Variants in ADPRS observed in about 807,000 individuals in gnomAD.
ADPRS encodes ADP-ribosylserine hydrolase.
A neutral mutation model predicts 32.1 loss-of-function variants in ADPRS; 25 were observed. That is an observed-to-expected ratio of 0.78 (90% confidence interval 0.57 to 1.09). The LOEUF is 1.09. Ranked by LOEUF, ADPRS falls within the 50% of genes least tolerant of loss-of-function variation. The pLI is 0.00. For synonymous variants in ADPRS, 225 were observed against 201.0 expected (o/e 1.12, Z -1.01); for missense variants, 482 against 480.6 (o/e 1.00, Z -0.03).
chr1:36,091,882 C>G (rs780056939), intron 3 of ADPRS, 28 bp from the exon 4 acceptor site: 2 of 1,590,410 alleles, frequency 1.3e-6, no homozygotes, highest in Non-Finnish European at 1.7e-6. Context: ...AGCAGGGCTT[C>G]TGTGACAGCA....
intron 4 of ADPRS, 26 bp downstream of exon 4, chr1:36,092,120 G>A (rs375407422): frequency 1.3e-6 from 2 of 1,574,618 alleles, no homozygotes; most frequent in Non-Finnish European, 1.7e-6. Context: ...GAGGTGTGTG[G>A]TGTGGGTATG....
In ADPRS at chr1:36,093,350, G is replaced by T. The variant is rs1274344590; in HGVS notation, c.1056G>T (p.Leu352=). Residue 352 remains leucine, a synonymous_variant, in exon 6 of 6, where the codon CTG becomes CTT. Coordinates refer to ENST00000373178, the MANE Select transcript of ADPRS (RefSeq NM_017825.3). ...AAGGCTACGAGGAGACAGACATCCT[G>T]GCCCAAAGCCTGCACCGTGTCTTCC... ...SCEGYEETDI[L]AQSLHRVFQK... 1 of 1,614,076 alleles carries T rather than the reference G, an allele frequency of 6.2e-7. No individual in the cohort carries two copies. Among genetic ancestry groups the T allele is most frequent in the African/African-American group, 1.3e-5 (1 of 74,948 alleles).
At chr1:36,090,141 G>A (rs1024116496) in intron 1 of ADPRS, among the ~76,000 whole-genome samples, 3 of 152,138 alleles carry the variant, frequency 2.0e-5, no homozygotes, top group African/African-American at 7.2e-5. Context: ...AAGTGAAGTA[G>A]GAGGAGATCT....
chr1:36,089,067 G>A lies in ADPRS; in HGVS notation c.163G>A (p.Val55Ile). The A allele has an allele frequency of 6.9e-7, 1 of 1,458,226 alleles. No individual in the cohort carries two copies. Among genetic ancestry groups the A allele is most frequent in the South Asian group, 1.4e-5 (1 of 69,260 alleles). 90.3% of individuals were successfully genotyped at this position (1,458,226 alleles called of 1,614,324 possible). Residue 55 changes from valine (V) to isoleucine (I), a missense_variant, in exon 1 of 6, where the codon GTC (valine) becomes ATC (isoleucine). By Grantham distance (29) the Val-to-Ile change is conservative. Coordinates refer to ENST00000373178, the MANE Select transcript of ADPRS (RefSeq NM_017825.3). ...CGACCTGACGTCAGTCCTGCGTCAT[G>A]TCCAGAGTCTGGAGCCGGACCCCGG... ...TVDLTSVLRH[V>I]QSLEPDPGTP...
In ADPRS at chr1:36,091,655, T is replaced by C; in HGVS notation, c.346T>C (p.Tyr116His). 1 of 1,612,106 alleles carries C rather than the reference T, an allele frequency of 6.2e-7. No homozygotes were observed. Among genetic ancestry groups the C allele is most frequent in the South Asian group, 1.1e-5 (1 of 90,876 alleles). Residue 116 changes from tyrosine to histidine, a missense_variant, in exon 3 of 6, where the codon TAT (tyrosine) becomes CAT (histidine). Physicochemically the swap from Tyr to His is moderately conservative, Grantham distance 83. Coordinates refer to ENST00000373178, the MANE Select transcript of ADPRS (RefSeq NM_017825.3). The part of the protein sequence containing the change: ...QEYKKDPDRG[Y>H]GAGVVTVFKK... ...GTACAAGAAAGACCCTGACAGGGGC[T>C]ATGGTGCTGGAGTAGTCACTGTCTT... is the stretch of plus-strand genomic sequence containing the variant.
At position 36,092,456 on chromosome 1, in the gene ADPRS, C is replaced by T; in HGVS notation, c.736C>T (p.Leu246=). The stretch of plus-strand genomic sequence containing the variant: ...GGAGGAGCGTCCATACTCCAGCCGC[C>T]TGAAGAAGATTGGAGAGCTTCTAGA... ...GMEERPYSSR[L]KKIGELLDQA... Residue 246 remains leucine (L), a synonymous_variant, in exon 5 of 6, where the codon CTG becomes TTG. Coordinates refer to ENST00000373178, the MANE Select transcript of ADPRS (RefSeq NM_017825.3). The T allele has an allele frequency of 6.2e-7, 1 of 1,614,186 alleles. No individual in the cohort carries two copies. The highest frequency in any genetic ancestry group is 8.5e-7 in the Non-Finnish European group (1 of 1,180,034).
chr1:36,089,662 A>G (rs1643451728), intron 1 of ADPRS, among the ~76,000 whole-genome samples: 1 of 152,068 alleles, frequency 6.6e-6, no homozygotes, highest in Admixed American at 6.5e-5. Flanking sequence ...TCCCCTGCCT[A>G]AAACCCTGCT....
Position 36,091,286 on chromosome 1 carries a change from T to C in ADPRS, c.254T>C (p.Leu85Pro). ...YTDDTAMARA[L>P]VQSLLAKEAF... Reference sequence around the variant, plus strand: ...GATGACACAGCCATGGCCAGGGCCCTGGTGCAGTCCCTGCTAGCCAAGGAG... The same window carrying C: ...GATGACACAGCCATGGCCAGGGCCCCGGTGCAGTCCCTGCTAGCCAAGGAG... Residue 85 changes from leucine (L) to proline (P), a missense_variant, in exon 2 of 6, where the codon CTG becomes CCG. Leu to Pro is a moderately conservative substitution (Grantham distance 98). Transcript: ENST00000373178. 6.2e-7 allele frequency: 1 copy of C among 1,614,220 alleles called. No homozygotes were observed. The highest frequency in any genetic ancestry group is 1.1e-5 in the South Asian group (1 of 91,078).
At position 36,089,076 on chromosome 1, in the gene ADPRS, C is replaced by A; in HGVS notation, c.172C>A (p.Leu58Met). The A allele has an allele frequency of 2.1e-6, 3 of 1,440,512 alleles. No homozygotes were observed. Among genetic ancestry groups the A allele is most frequent in the Non-Finnish European group, 1.8e-6 (2 of 1,099,594 alleles). 89.2% of individuals were successfully genotyped at this position (1,440,512 alleles called of 1,614,324 possible). A position where few individuals can be genotyped will look rare whatever the true frequency, so the allele number is the denominator to read the frequency against. The change falls in exon 1 of 6, where the codon CTG (leucine) becomes ATG (methionine). Residue 58 changes from leucine to methionine, a missense_variant. Physicochemically the swap from Leu to Met is conservative, Grantham distance 15 (BLOSUM62 2). Transcript: ENST00000373178. ...LTSVLRHVQS[L>M]EPDPGTPGSE... is the part of the protein sequence containing the mutation. ...GTCAGTCCTGCGTCATGTCCAGAGT[C>A]TGGAGCCGGACCCCGGCACGCCCGG... is the stretch of plus-strand genomic sequence containing the variant.
Position 36,093,410 on chromosome 1 carries a change from C to CT in ADPRS, c.*25dup. 1 of 1,595,788 alleles carries CT rather than the reference C, an allele frequency of 6.3e-7. No individual in the cohort carries two copies. On this transcript the variant is annotated 3_prime_UTR_variant, in exon 6 of 6. Coordinates refer to ENST00000373178, the MANE Select transcript of ADPRS (RefSeq NM_017825.3). ...GATGAGGGCTACAGCTGTTGGGGCT[C>CT]TGCCAGGTCCCCTGGGACCAACTAC...
At position 36,091,993 on chromosome 1, in the gene ADPRS, G is replaced by A. The variant is rs143812263; in HGVS notation, c.600G>A (p.Leu200=). 3.1e-6 allele frequency: 5 copies of A among 1,614,024 alleles called. No homozygotes were observed. The highest frequency in any genetic ancestry group is 4.2e-6 in the Non-Finnish European group (5 of 1,179,976). The change falls in exon 4 of 6, where the codon CTG becomes CTA. Residue 200 remains leucine, a synonymous_variant. Coordinates refer to ENST00000373178, the MANE Select transcript of ADPRS (RefSeq NM_017825.3). The stretch of plus-strand genomic sequence containing the variant: ...TCCTGCAGGCCCTGGCTGTGCACCT[G>A]GCCTTGCAGGGCGAGTCTTCCAGCG... ...GAILQALAVH[L]ALQGESSSEH...
chr1:36,090,958 C>T (rs889933479), intron 1 of ADPRS, among the ~76,000 whole-genome samples: 1 of 151,988 alleles, frequency 6.6e-6, no homozygotes, highest in African/African-American at 2.4e-5. Flanking sequence ...ATTGCTTGAG[C>T]CCAGGAATTC....
At position 36,091,831 on chromosome 1, in the gene ADPRS, C is replaced by T. The variant is rs1473762562; in HGVS notation, c.516+6C>T. The T allele has an allele frequency of 1.9e-6, 3 of 1,591,118 alleles. No individual in the cohort carries two copies. Among genetic ancestry groups the T allele is most frequent in the Admixed American group, 3.4e-5 (2 of 58,712 alleles). On this transcript the variant is annotated splice_donor_region_variant and intron_variant, in intron 3 of 5. Transcript: ENST00000373178. Reference sequence around the variant, plus strand: ...GTGTCCAGGATGTGCAGAAGGTATTCAGGGCGGGCTGGCTTCTGGGCTGTC... The same window carrying T: ...GTGTCCAGGATGTGCAGAAGGTATTTAGGGCGGGCTGGCTTCTGGGCTGTC...
At position 36,093,819 on chromosome 1, in the gene ADPRS, A is replaced by T. The variant is rs1266998735; in HGVS notation, c.*433A>T. 5.9e-6 allele frequency: 1 copy of T among 170,178 alleles called. No individual in the cohort carries two copies. Among genetic ancestry groups the T allele is most frequent in the African/African-American group, 2.4e-5 (1 of 42,150 alleles). 10.5% of individuals were successfully genotyped at this position (170,178 alleles called of 1,614,324 possible). On this transcript the variant is annotated 3_prime_UTR_variant, in exon 6 of 6. Coordinates refer to ENST00000373178, the MANE Select transcript of ADPRS (RefSeq NM_017825.3). The stretch of plus-strand genomic sequence containing the variant: ...CCCCGAGCAGCAGGTTGTGTGGATG[A>T]AGGGACAGGCACTTGCATCCAGCTG...
Position 36,088,915 on chromosome 1 carries a change from C to G in ADPRS, c.11C>G (p.Ala4Gly). 1 of 1,525,206 alleles carries G rather than the reference C, an allele frequency of 6.6e-7. No homozygotes were observed. The allele number at this position is 1,525,206 out of a possible 1,614,324, so 94.5% of individuals were successfully genotyped here. A position where few individuals can be genotyped will look rare whatever the true frequency, so the allele number is the denominator to read the frequency against. The change falls in exon 1 of 6, where the codon GCG (alanine) becomes GGG (glycine). Residue 4 changes from alanine (A) to glycine (G), a missense_variant. Ala to Gly is a moderately conservative substitution (Grantham distance 60). Coordinates refer to ENST00000373178, the MANE Select transcript of ADPRS (RefSeq NM_017825.3). ...GCAGTCTGCGCGCGGATGGCCGCAG[C>G]GGCGATGGCGGCAGCGGCAGGTGGA... The part of the protein sequence containing the change: MAA[A>G]AMAAAAGGGA...
rs1643491032 is a variant in ADPRS, at chr1:36,092,003, G to A, written c.610G>A (p.Gly204Ser). 2.5e-6 allele frequency: 4 copies of A among 1,614,054 alleles called. No homozygotes were observed. In the East Asian group the frequency reaches 8.9e-5, roughly 36 times the overall value. Residue 204 changes from glycine (G) to serine (S), a missense_variant, in exon 4 of 6, where the codon GGC becomes AGC. By Grantham distance (56) the Gly-to-Ser change is moderately conservative. Coordinates refer to ENST00000373178, the MANE Select transcript of ADPRS (RefSeq NM_017825.3). The part of the protein sequence containing the change: ...QALAVHLALQ[G>S]ESSSEHFLKQ... The stretch of plus-strand genomic sequence containing the variant: ...CCTGGCTGTGCACCTGGCCTTGCAG[G>A]GCGAGTCTTCCAGCGAGCACTTTCT...
chr1:36,089,102 G>C lies in ADPRS; in HGVS notation c.198G>C (p.Gly66=). 7.0e-7 allele frequency: 1 copy of C among 1,424,240 alleles called. No individual in the cohort carries two copies. The highest frequency in any genetic ancestry group is 2.9e-5 in the East Asian group (1 of 34,966). 88.2% of individuals were successfully genotyped at this position (1,424,240 alleles called of 1,614,324 possible). A position where few individuals can be genotyped will look rare whatever the true frequency, so the allele number is the denominator to read the frequency against. The change falls in exon 1 of 6, where the codon GGG becomes GGC. Residue 66 remains glycine, a synonymous_variant. Coordinates refer to ENST00000373178, the MANE Select transcript of ADPRS (RefSeq NM_017825.3). Reference sequence around the variant, plus strand: ...TGGAGCCGGACCCCGGCACGCCCGGGAGTGAGCGGACAGGTGGGCGGGGCC... The same window carrying C: ...TGGAGCCGGACCCCGGCACGCCCGGCAGTGAGCGGACAGGTGGGCGGGGCC... ...QSLEPDPGTP[G]SERTEALYYT...
At chr1:36,089,946 A>T (rs970807276) in intron 1 of ADPRS, among the ~76,000 whole-genome samples, 1 of 144,372 alleles carries the variant, frequency 6.9e-6, no homozygotes, top group African/African-American at 2.5e-5. Context: ...AGCAGGTAGC[A>T]TAGTAAGAAG....
intron 5 of ADPRS, 69 bp downstream of exon 5, chr1:36,092,591 G>C: frequency 6.9e-7 from 1 of 1,459,340 alleles, no homozygotes; most frequent in South Asian, 1.2e-5. Context: ...GCTCAGGGGA[G>C]CATGGAGTCA....
Sources: allele counts gnomAD v4.1 joint callset (sites outside exome capture counted in the v4.1 genomes callset), GRCh38; gene constraint gnomAD v4.1.1; transcripts MANE v1.5; gene names NCBI Gene and HGNC (gene_info 2026-07-23, HGNC 2026-07-21).